Variants in CHST11 observed in about 807,000 individuals in gnomAD.
CHST11 encodes the protein carbohydrate sulfotransferase 11.
CHST11 carries 9 observed loss-of-function variants against 30.4 expected under a neutral mutation model. The ratio of observed to expected loss-of-function variants is 0.30; its 90% CI spans 0.18 to 0.52. The LOEUF (loss-of-function observed/expected upper bound fraction) is 0.52. Ranked by LOEUF, CHST11 falls within the 20% of genes least tolerant of loss-of-function variation. The pLI is 0.97. For synonymous variants in CHST11, 152 were observed against 187.8 expected (o/e 0.81, Z 1.56); for missense variants, 348 against 460.6 (o/e 0.76, Z 2.24).
chr12:104,702,891 G>T (rs1056410219), intron 2 of CHST11, among the ~76,000 whole-genome samples: 2 of 152,150 alleles, frequency 1.3e-5, no homozygotes, highest in African/African-American at 4.8e-5. Flanking sequence ...CGAGCCTGGC[G>T]CCCTTTGCAG....
intron 2 of CHST11, among the ~76,000 whole-genome samples, chr12:104,627,715 A>G (rs1156255680): frequency 6.6e-6 from 1 of 152,158 alleles, no homozygotes; most frequent in Non-Finnish European, 1.5e-5. Context: ...ATACATCTTT[A>G]ACACAAATCA....
At chr12:104,594,772 C>G (rs1451179271) in intron 1 of CHST11, among the ~76,000 whole-genome samples, 1 of 152,060 alleles carries the variant, frequency 6.6e-6, no homozygotes, top group African/African-American at 2.4e-5. Context: ...GCCTGGGCAA[C>G]ATGGCAAAAC....
intron 2 of CHST11, among the ~76,000 whole-genome samples, chr12:104,656,741 C>A (rs924893464): frequency 1.3e-5 from 2 of 152,186 alleles, no homozygotes; most frequent in Admixed American, 6.5e-5. Context: ...TCTTCGTGAC[C>A]ACAGTGGGGG....
At chr12:104,700,839 G>A (rs981545502) in intron 2 of CHST11, among the ~76,000 whole-genome samples, 19 of 152,124 alleles carry the variant, frequency 1.2e-4, no homozygotes, top group African/African-American at 4.1e-4. Flanking sequence ...GGCTGGGCGC[G>A]GTGGCTCACC....
chr12:104,500,765 G>T (rs1260501674), intron 1 of CHST11, among the ~76,000 whole-genome samples: 2 of 152,200 alleles, frequency 1.3e-5, no homozygotes, highest in African/African-American at 2.4e-5. Flanking sequence ...GTTTGGTGTG[G>T]GGTGTGTCCA....
chr12:104,542,790 T>C (rs962580443), intron 1 of CHST11, among the ~76,000 whole-genome samples: 3 of 152,226 alleles, frequency 2.0e-5, no homozygotes, highest in African/African-American at 7.2e-5. Context: ...TTCAAAACAT[T>C]AACCCTTTAG....
chr12:104,570,300 A>G (rs2038610950), intron 1 of CHST11, among the ~76,000 whole-genome samples: 2 of 152,052 alleles, frequency 1.3e-5, no homozygotes, highest in African/African-American at 4.8e-5. Flanking sequence ...AAATCGACTC[A>G]TTTTTAACAT....
chr12:104,575,587 T>C (rs190601593), intron 1 of CHST11, among the ~76,000 whole-genome samples: 9 of 152,244 alleles, frequency 5.9e-5, no homozygotes, highest in African/African-American at 1.9e-4. Context: ...TCTGTCCGTT[T>C]GAAGGAAGTT....
chr12:104,525,996 T>C (rs1442510721), intron 1 of CHST11, among the ~76,000 whole-genome samples: 1 of 152,160 alleles, frequency 6.6e-6, no homozygotes, highest in Non-Finnish European at 1.5e-5. Context: ...TTTCAGCTAA[T>C]TTTAACACGA....
At chr12:104,631,941 C>T (rs887106925) in intron 2 of CHST11, among the ~76,000 whole-genome samples, 11 of 152,132 alleles carry the variant, frequency 7.2e-5, no homozygotes, top group African/African-American at 1.7e-4. Context: ...TCTTGTACTC[C>T]GCTCTGATGA....
chr12:104,527,136 G>A (rs1565975398), intron 1 of CHST11, among the ~76,000 whole-genome samples: 2 of 152,212 alleles, frequency 1.3e-5, no homozygotes, highest in Non-Finnish European at 2.9e-5. Context: ...GATAAATAGG[G>A]CCTTTAAAAA....
intron 2 of CHST11, among the ~76,000 whole-genome samples, chr12:104,677,935 A>C (rs1251950346): frequency 6.6e-6 from 1 of 151,884 alleles, no homozygotes; most frequent in Non-Finnish European, 1.5e-5. Flanking sequence ...TGCTGTTCCC[A>C]CTCCTGGAAC....
intron 2 of CHST11, among the ~76,000 whole-genome samples, chr12:104,628,984 C>T (rs552605382): frequency 6.6e-6 from 1 of 152,200 alleles, no homozygotes; most frequent in Non-Finnish European, 1.5e-5. Context: ...GATGGATGGA[C>T]AAGCTGGGAG....
At chr12:104,462,565 G>A (rs1003032753) in intron 1 of CHST11, among the ~76,000 whole-genome samples, 7 of 152,064 alleles carry the variant, frequency 4.6e-5, no homozygotes, top group Non-Finnish European at 1.0e-4. Context: ...TTAATGTTAC[G>A]TTACAGAATC....
intron 1 of CHST11, among the ~76,000 whole-genome samples, chr12:104,508,416 T>A (rs1258581323): frequency 1.3e-5 from 2 of 152,228 alleles, no homozygotes; most frequent in Non-Finnish European, 2.9e-5. Flanking sequence ...AAAGCACGTA[T>A]CAGTGACTAC....
At chr12:104,530,213 T>A (rs187909126) in intron 1 of CHST11, among the ~76,000 whole-genome samples, 221 of 152,252 alleles carry the variant, frequency 1.5e-3, no homozygotes, top group African/African-American at 5.0e-3. Flanking sequence ...CAACTTGCAG[T>A]ATCTATCCAA....
chr12:104,506,656 G>C (rs2037908265), intron 1 of CHST11, among the ~76,000 whole-genome samples: 1 of 152,200 alleles, frequency 6.6e-6, no homozygotes, highest in Non-Finnish European at 1.5e-5. Flanking sequence ...AATTTACAGT[G>C]ATCACCTTGG....
At chr12:104,640,754 C>T (rs1218108081) in intron 2 of CHST11, among the ~76,000 whole-genome samples, 1 of 152,102 alleles carries the variant, frequency 6.6e-6, no homozygotes, top group East Asian at 1.9e-4. Flanking sequence ...GACAGTGGCT[C>T]ATCAGTCACA....
intron 2 of CHST11, among the ~76,000 whole-genome samples, chr12:104,670,949 T>G (rs1404847763): frequency 6.6e-6 from 1 of 152,214 alleles, no homozygotes; most frequent in Non-Finnish European, 1.5e-5. Context: ...GCTTTGTGTT[T>G]CTGCTTCTGC....
Sources: allele counts gnomAD v4.1 joint callset (sites outside exome capture counted in the v4.1 genomes callset), GRCh38; gene constraint gnomAD v4.1.1; transcripts MANE v1.5; gene names NCBI Gene and HGNC (gene_info 2026-07-23, HGNC 2026-07-21).